The following SDK1 variants were observed in gnomAD, a reference collection of about 807,000 sequenced individuals.
The protein encoded by SDK1 is sidekick cell adhesion molecule 1.
In SDK1, 157 loss-of-function variants were observed where a neutral mutation model predicts 245.5. The ratio of observed to expected loss-of-function variants is 0.64; its 90% confidence interval spans 0.56 to 0.73. The LOEUF is 0.73. SDK1 is among the 30% of genes least tolerant of loss of function. SDK1 has a pLI of 0.00. For synonymous variants in SDK1, 1,647 were observed against 1,278.5 expected, an observed-to-expected ratio of 1.29 and a Z score of -6.15; for missense variants, 3,583 against 3,002.3, an observed-to-expected ratio of 1.19 and a Z score of -4.52.
At chr7:3,881,978 A>G (rs1008881285) in intron 5 of SDK1, among the ~76,000 whole-genome samples, 2 of 152,130 alleles carry the variant, frequency 1.3e-5, no homozygotes, top group Admixed American at 6.5e-5. Flanking sequence ...TGGGTAATTT[A>G]TAAAGAAAAA....
chr7:3,902,912 G>C (rs1293149444), intron 5 of SDK1, among the ~76,000 whole-genome samples: 2 of 151,972 alleles, frequency 1.3e-5, no homozygotes, highest in Non-Finnish European at 2.9e-5. Context: ...AACACATAAA[G>C]AATTTTTACC....
At chr7:3,810,854 G>A (rs1449295139) in intron 4 of SDK1, among the ~76,000 whole-genome samples, 3 of 152,176 alleles carry the variant, frequency 2.0e-5, no homozygotes, top group Non-Finnish European at 4.4e-5. Flanking sequence ...AAGACAAGTT[G>A]TTTCTAGGCC....
chr7:3,678,496 A>G (rs368296364), intron 4 of SDK1, among the ~76,000 whole-genome samples: 53 of 152,348 alleles, frequency 3.5e-4, no homozygotes, highest in African/African-American at 1.3e-3. Context: ...AAAACTAATC[A>G]TTCACTATGC....
intron 44 of SDK1, 41 bp downstream of exon 44, chr7:4,245,846 C>A (rs1405387337): frequency 6.2e-7 from 1 of 1,610,576 alleles, no homozygotes. Context: ...ACCATCAGCC[C>A]CTACTTCTGC....
intron 28 of SDK1, among the ~76,000 whole-genome samples, chr7:4,142,602 C>T (rs1779655442): frequency 6.6e-6 from 1 of 152,178 alleles, no homozygotes; most frequent in Admixed American, 6.5e-5. Context: ...GCTGAGATTA[C>T]AGCCATGAGC....
rs576059559 is a variant in SDK1 at position 3,379,041 on chromosome 7, C to T, written c.298+77157C>T. ...TTATCTATGGCCTGCTTCTCCTGGC[C>T]TGTGCTGCACTGATAATGGGATTAT... is the stretch of plus-strand genomic sequence containing the variant. On this transcript the variant is annotated intron_variant, in intron 1 of 44. Transcript: ENST00000404826. Among the ~76,000 whole-genome samples, 203 of 152,278 alleles carry T rather than the reference C, an allele frequency of 1.3e-3. 4 individuals are homozygous for T. Among genetic ancestry groups the T allele is most frequent in the African/African-American group, 4.7e-3 (197 of 41,546 alleles).
intron 4 of SDK1, among the ~76,000 whole-genome samples, chr7:3,783,701 G>C (rs1191610585): frequency 6.6e-6 from 1 of 152,110 alleles, no homozygotes; most frequent in Admixed American, 6.6e-5. Flanking sequence ...TGATAAAAAA[G>C]TTGAAGATAC....
At chr7:3,634,201 T>G (rs1373431779) in intron 2 of SDK1, among the ~76,000 whole-genome samples, 1 of 152,086 alleles carries the variant, frequency 6.6e-6, no homozygotes, top group African/African-American at 2.4e-5. Context: ...GCTCATAGGG[T>G]GGCAGATTCT....
At chr7:3,536,233 TGTGTGTGTG>T (rs1701854160) in intron 1 of SDK1, among the ~76,000 whole-genome samples, 8 of 149,396 alleles carry the variant, frequency 5.4e-5, no homozygotes, top group Non-Finnish European at 7.4e-5. Context: ...ATTTTTTTTT[TGTGTGTGTG>T]TTTTTACTAG....
intron 5 of SDK1, among the ~76,000 whole-genome samples, chr7:3,825,469 A>C (rs915937921): frequency 7.2e-5 from 11 of 152,194 alleles, no homozygotes; most frequent in African/African-American, 2.7e-4. Context: ...GAGATTCTCT[A>C]CTAGGGATGA....
chr7:3,897,960 A>G (rs944623446), intron 5 of SDK1, among the ~76,000 whole-genome samples: 6 of 147,762 alleles, frequency 4.1e-5, no homozygotes, highest in East Asian at 2.0e-4. Flanking sequence ...TTCTGCTCTT[A>G]TTCCATTTCT....
chr7:3,487,975 C>G (rs62437758), intron 1 of SDK1, among the ~76,000 whole-genome samples: 2,511 of 152,166 alleles, frequency 0.017, 32 homozygotes, highest in Non-Finnish European at 0.027. Flanking sequence ...GGTATTGTTG[C>G]TACACATTTT....
intron 4 of SDK1, among the ~76,000 whole-genome samples, chr7:3,711,909 G>C (rs1178130234): frequency 6.6e-6 from 1 of 152,182 alleles, no homozygotes; most frequent in East Asian, 1.9e-4. Flanking sequence ...CTCTGTGGCT[G>C]TTTTCCTGTG....
chr7:3,659,889 G>T (rs1299205734), intron 4 of SDK1, among the ~76,000 whole-genome samples: 1 of 152,186 alleles, frequency 6.6e-6, no homozygotes, highest in African/African-American at 2.4e-5. Flanking sequence ...AGAGGGATTT[G>T]GGATGTAGTG....
chr7:3,302,891 T>C (rs1475488719), intron 1 of SDK1, among the ~76,000 whole-genome samples: 1 of 152,224 alleles, frequency 6.6e-6, no homozygotes, highest in Admixed American at 6.5e-5. Flanking sequence ...AGCATTAAAC[T>C]TAAATTAGCT....
chr7:4,172,028 G>A (rs1781872864), intron 32 of SDK1, among the ~76,000 whole-genome samples: 1 of 152,226 alleles, frequency 6.6e-6, no homozygotes, highest in African/African-American at 2.4e-5. Flanking sequence ...GTCCAGGCTG[G>A]AGTAGTGTCT....
chr7:3,746,528 A>C (rs1779626208), intron 4 of SDK1, among the ~76,000 whole-genome samples: 1 of 152,212 alleles, frequency 6.6e-6, no homozygotes, highest in South Asian at 2.1e-4. Context: ...ACTCCTCTCA[A>C]ATCCTGCTGC....
At chr7:4,136,975 T>C (rs1779137723) in intron 28 of SDK1, among the ~76,000 whole-genome samples, 1 of 152,234 alleles carries the variant, frequency 6.6e-6, no homozygotes, top group Non-Finnish European at 1.5e-5. Flanking sequence ...GCGGGTTCTC[T>C]GACCCACTTG....
chr7:3,402,735 G>C (rs1583805790), intron 1 of SDK1, among the ~76,000 whole-genome samples: 1 of 152,098 alleles, frequency 6.6e-6, no homozygotes, highest in African/African-American at 2.4e-5. Context: ...CTTAAAAATG[G>C]AAACCAATGT....
Sources: gnomAD v4.1 joint callset for allele counts (sites outside exome capture counted in the v4.1 genomes callset) on GRCh38, gnomAD v4.1.1 for gene constraint, MANE v1.5 for transcripts, NCBI Gene and HGNC (gene_info 2026-07-23, HGNC 2026-07-21) for gene names.